Variants in RXYLT1 observed in about 807,000 individuals in gnomAD.
The protein encoded by RXYLT1 is ribitol-5-phosphate xylosyltransferase 1.
In RXYLT1, 41 loss-of-function variants were observed where a neutral mutation model predicts 43.5. The observed-to-expected ratio is 0.94, with a 90% CI of 0.73 to 1.22. RXYLT1 has a LOEUF of 1.22. RXYLT1 is among the 50% of genes most tolerant of loss of function. RXYLT1 has a pLI of 0.00. For synonymous variants in RXYLT1, 166 were observed against 194.4 expected (o/e 0.85, Z 1.21); for missense variants, 514 against 532.0 (o/e 0.97, Z 0.33).
chr12:63,798,959 C>A (rs1242012164), intron 3 of RXYLT1, among the ~76,000 whole-genome samples: 1 of 152,024 alleles, frequency 6.6e-6, no homozygotes, highest in Non-Finnish European at 1.5e-5. Flanking sequence ...TTGTTTAGAC[C>A]TAATGACTTT....
intron 3 of RXYLT1, among the ~76,000 whole-genome samples, chr12:63,789,268 G>A (rs1035876335): frequency 1.1e-4 from 17 of 152,144 alleles, no homozygotes; most frequent in Non-Finnish European, 8.8e-5. Context: ...AAGGAGATGG[G>A]GAGAAATGGG....
intron 3 of RXYLT1, among the ~76,000 whole-genome samples, chr12:63,790,025 A>T (rs1897888431): frequency 6.6e-6 from 1 of 152,238 alleles, no homozygotes; most frequent in Admixed American, 6.5e-5. Flanking sequence ...TAGCCTCGAG[A>T]CAATTCTAAG....
chr12:63,800,414 A>C (rs1319215013), intron 3 of RXYLT1, among the ~76,000 whole-genome samples: 1 of 152,234 alleles, frequency 6.6e-6, no homozygotes, highest in African/African-American at 2.4e-5. Context: ...ATTAGATTCT[A>C]TCAGGATATA....
intron 2 of RXYLT1, chr12:63,782,439 A>G (rs1437054928): frequency 2.2e-6 from 1 of 450,672 alleles, no homozygotes; most frequent in East Asian, 7.0e-5. Context: ...AAAAAGTAGC[A>G]CAAGTTTGCA....
intron 1 of RXYLT1, chr12:63,780,480 C>G: frequency 1.8e-6 from 2 of 1,111,196 alleles, no homozygotes; most frequent in African/African-American, 3.3e-5. Context: ...ACATCCGTTT[C>G]CATGTTGAAA....
chr12:63,794,395 C>T (rs1291195158), intron 3 of RXYLT1, among the ~76,000 whole-genome samples: 1 of 152,152 alleles, frequency 6.6e-6, no homozygotes, highest in Non-Finnish European at 1.5e-5. Context: ...TCATTGCTCC[C>T]TAGCTTTGGA....
At chr12:63,785,679 A>T (rs971387564) in intron 3 of RXYLT1, among the ~76,000 whole-genome samples, 12 of 152,060 alleles carry the variant, frequency 7.9e-5, no homozygotes, top group African/African-American at 2.9e-4. Context: ...ATTTAGGAAA[A>T]CTATAATTTT....
chr12:63,802,253 T>C lies in RXYLT1; in HGVS notation c.591T>C (p.Ala197=), dbSNP rs1396434615. ...LVQIQKLQHL[A]VVLLGNEHCD... The stretch of plus-strand genomic sequence containing the variant: ...AAATTCAAAAACTCCAGCATCTTGC[T>C]GTTGTTTTGCTCGGAAATGAACATT... The change falls in exon 4 of 6, where the codon GCT becomes GCC. Residue 197 remains alanine (A), a synonymous_variant. Transcript: ENST00000261234. 1 of 1,614,122 alleles carries C rather than the reference T, an allele frequency of 6.2e-7. No homozygotes were observed. The highest frequency in any genetic ancestry group is 2.2e-5 in the East Asian group (1 of 44,870).
At chr12:63,787,766 A>G (rs906837244) in intron 3 of RXYLT1, among the ~76,000 whole-genome samples, 5 of 152,088 alleles carry the variant, frequency 3.3e-5, no homozygotes, top group Admixed American at 1.3e-4. Context: ...AGCTGGGACT[A>G]TGGGCATACG....
chr12:63,780,982 A>G (rs1316295609), intron 1 of RXYLT1, 37 bp from the exon 2 acceptor site: 2 of 1,472,154 alleles, frequency 1.4e-6, no homozygotes, highest in Non-Finnish European at 1.8e-6. Flanking sequence ...AACTGCAATA[A>G]TACCTTACTG....
In RXYLT1 at chr12:63,808,650, T is replaced by C. The variant is rs572340189; in HGVS notation, c.915-25T>C. 5.7e-4 allele frequency: 901 copies of C among 1,588,840 alleles called. 10 individuals carry two copies. In the South Asian group the frequency reaches 9.8e-3, roughly 17 times the overall value. Reference sequence around the variant, plus strand: ...ACTATATACTTAGTAAAGTGAAAACTACAGTTGTTTTTCTGATTTTCTAGC... The same window carrying C: ...ACTATATACTTAGTAAAGTGAAAACCACAGTTGTTTTTCTGATTTTCTAGC... On this transcript the variant is annotated intron_variant, in intron 5 of 5. Coordinates refer to ENST00000261234, the MANE Select transcript of RXYLT1 (RefSeq NM_014254.3).
intron 3 of RXYLT1, among the ~76,000 whole-genome samples, chr12:63,793,977 G>A (rs991199718): frequency 6.6e-6 from 1 of 152,160 alleles, no homozygotes; most frequent in Non-Finnish European, 1.5e-5. Flanking sequence ...ATCAGCCATC[G>A]GCTGATGACT....
In RXYLT1 at chr12:63,780,026, C is replaced by G. The variant is rs1465317010; in HGVS notation, c.66C>G (p.Tyr22Ter). 1 of 1,609,622 alleles carries G rather than the reference C, an allele frequency of 6.2e-7. No individual in the cohort carries two copies. The highest frequency in any genetic ancestry group is 8.5e-7 in the Non-Finnish European group (1 of 1,178,606). Residue 22 changes from tyrosine to a stop codon, truncating the protein, a stop_gained, in exon 1 of 6, where the codon TAC becomes TAG. Transcript: ENST00000261234. LOFTEE classifies it high-confidence loss of function. ...LIALYCLFSL[Y>*]AAYHVFFGRR... Reference sequence around the variant, plus strand: ...CCCTGTACTGCCTATTCTCCCTCTACGCTGCCTACCACGTCTTCTTCGGGC... The same window carrying G: ...CCCTGTACTGCCTATTCTCCCTCTAGGCTGCCTACCACGTCTTCTTCGGGC...
chr12:63,787,638 T>G (rs952123067), intron 3 of RXYLT1, among the ~76,000 whole-genome samples: 3 of 152,112 alleles, frequency 2.0e-5, no homozygotes, highest in African/African-American at 7.2e-5. Flanking sequence ...GTTTGTTGTT[T>G]TTTTTTTGAG....
intron 3 of RXYLT1, among the ~76,000 whole-genome samples, chr12:63,794,827 G>A (rs181387326): frequency 1.7e-4 from 26 of 151,994 alleles, no homozygotes; most frequent in Admixed American, 7.9e-4. Flanking sequence ...ACAGAGGGCC[G>A]TTCCATAGTT....
intron 3 of RXYLT1, among the ~76,000 whole-genome samples, chr12:63,791,910 A>G (rs1157177551): frequency 6.6e-6 from 1 of 152,242 alleles, no homozygotes; most frequent in East Asian, 1.9e-4. Context: ...ATAACAAATA[A>G]CATCTAACAT....
rs527706413 is a variant in RXYLT1 at position 63,802,622 on chromosome 12, T to G, written c.743+217T>G. 1.2e-4 allele frequency among the ~76,000 whole-genome samples: 18 copies of G among 152,230 alleles called. 1 individual carries two copies. The highest frequency in any genetic ancestry group is 9.8e-4 in the Admixed American group (15 of 15,282). On this transcript the variant is annotated intron_variant, in intron 4 of 5. Transcript: ENST00000261234. ...ATTCTTTAATGAGGAGATGAGTTAC[T>G]TTTTTTCTTTTAAAACCCCAAGGCA...
In RXYLT1 at chr12:63,802,358, C is replaced by G. The variant is rs2136231805; in HGVS notation, c.696C>G (p.Pro232=). ...VELLFIIYDS[P]WINDVDVFQW... ...TGCTTTTCATAATATATGACAGCCC[C>G]TGGATTAATGACGTGGATGTTTTTC... The change falls in exon 4 of 6, where the codon CCC becomes CCG. Residue 232 remains proline (P), a synonymous_variant. Coordinates refer to ENST00000261234, the MANE Select transcript of RXYLT1 (RefSeq NM_014254.3). 6.2e-7 allele frequency: 1 copy of G among 1,600,518 alleles called. No homozygotes were observed. The highest frequency in any genetic ancestry group is 8.5e-7 in the Non-Finnish European group (1 of 1,170,772).
Position 63,795,285 on chromosome 12 carries a change from A to AAAGAAGAAG in RXYLT1, c.429-6787_429-6779dup, listed in dbSNP as rs33957381. Among the ~76,000 whole-genome samples the AAAGAAGAAG allele has an allele frequency of 4.0e-5, 6 of 150,172 alleles. No homozygotes were observed. The South Asian group carries it at 6.4e-4, about 16-fold the overall frequency. On this transcript the variant is annotated intron_variant, in intron 3 of 5. Transcript: ENST00000261234. ...GACAGTGAGACCCTGTGTCAAAAAA[A>AAAGAAGAAG]AAGAAGAAGAAGAAGAAGAAGAAGA...
Sources: allele counts gnomAD v4.1 joint callset (sites outside exome capture counted in the v4.1 genomes callset), GRCh38; gene constraint gnomAD v4.1.1; transcripts MANE v1.5; gene names NCBI Gene and HGNC (gene_info 2026-07-23, HGNC 2026-07-21).